VPS13B: variants seen among roughly 807,000 people sequenced by gnomAD.
VPS13B encodes the protein intermembrane lipid transfer protein VPS13B.
In VPS13B, 285 loss-of-function variants were observed where a neutral mutation model predicts 426.4. That is an observed-to-expected ratio of 0.67 (90% CI 0.61 to 0.74). The LOEUF (loss-of-function observed/expected upper bound fraction) is 0.74, where lower values mean the gene tolerates loss of function less well. Ranked by LOEUF, VPS13B falls within the 30% of genes least tolerant of loss-of-function variation. VPS13B has a pLI of 0.00. For missense variants in VPS13B, 4,537 were observed against 4,782.6 expected, an observed-to-expected ratio of 0.95 and a Z score of 1.51; for synonymous variants, 1,676 against 1,676.4, an observed-to-expected ratio of 1.00 and a Z score of 0.01.
intron 59 of VPS13B, among the ~76,000 whole-genome samples, chr8:99,870,171 T>G (rs1817321678): frequency 6.6e-6 from 1 of 152,034 alleles, no homozygotes; most frequent in Non-Finnish European, 1.5e-5. Context: ...TAACTAACAA[T>G]CTAGACTTTT....
At chr8:99,511,034 T>C in intron 28 of VPS13B, 70 bp from the exon 29 acceptor site, 1 of 1,564,026 alleles carries the variant, frequency 6.4e-7, no homozygotes, top group Non-Finnish European at 8.7e-7. Context: ...GAGGTCATTT[T>C]CTTCTTTCCA....
intron 30 of VPS13B, among the ~76,000 whole-genome samples, chr8:99,549,592 A>G (rs967993538): frequency 3.3e-5 from 5 of 152,102 alleles, no homozygotes; most frequent in African/African-American, 7.2e-5. Flanking sequence ...AATTTATGCA[A>G]CCTATTTGGC....
intron 19 of VPS13B, among the ~76,000 whole-genome samples, chr8:99,305,340 T>C (rs1463782734): frequency 3.3e-5 from 5 of 152,252 alleles, no homozygotes; most frequent in South Asian, 2.1e-4. Context: ...ACCAATACAG[T>C]ATAATAACTG....
intron 21 of VPS13B, among the ~76,000 whole-genome samples, chr8:99,429,284 C>CAA (rs200181502): frequency 1.2e-4 from 13 of 109,370 alleles, no homozygotes; most frequent in South Asian, 3.0e-4. Context: ...GTATAATAAC[C>CAA]AAAAAAAAAA....
chr8:99,386,586 T>C (rs543434705), intron 20 of VPS13B, among the ~76,000 whole-genome samples: 8 of 152,296 alleles, frequency 5.3e-5, no homozygotes, highest in Non-Finnish European at 1.0e-4. Flanking sequence ...AATATGCCAT[T>C]ATAATCTTAT....
At position 99,727,160 on chromosome 8, in the gene VPS13B, T is replaced by A. The variant is rs535742190; in HGVS notation, c.7050+6113T>A. On this transcript the variant is annotated intron_variant, in intron 39 of 61. Transcript: ENST00000357162. ...TATAAGTGAGGGAGCCAAAATTTAA[T>A]CCCCAGTCTTTCTGACTATAAAACC... Among the ~76,000 whole-genome samples, 27 of 152,324 alleles carry A rather than the reference T, an allele frequency of 1.8e-4. 1 individual carries two copies. In the South Asian group the frequency reaches 5.4e-3, roughly 30 times the overall value.
intron 17 of VPS13B, among the ~76,000 whole-genome samples, chr8:99,204,390 TA>T (rs1814552964): frequency 6.6e-6 from 1 of 152,196 alleles, no homozygotes; most frequent in Non-Finnish European, 1.5e-5. Context: ...ATGTAAGACC[TA>T]AAACCACAAA....
chr8:99,353,068 G>A (rs769012346), intron 19 of VPS13B, among the ~76,000 whole-genome samples: 6 of 151,764 alleles, frequency 4.0e-5, no homozygotes, highest in Admixed American at 6.6e-5. Context: ...TGCAACCTCC[G>A]CCTCCTAGAT....
intron 19 of VPS13B, among the ~76,000 whole-genome samples, chr8:99,308,076 T>C (rs551824750): frequency 6.6e-6 from 1 of 152,118 alleles, no homozygotes; most frequent in South Asian, 2.1e-4. Flanking sequence ...GTTTCTGTTA[T>C]TGATTTCTAG....
chr8:99,707,551 C>A (rs1041767375), intron 36 of VPS13B, among the ~76,000 whole-genome samples: 18 of 152,176 alleles, frequency 1.2e-4, no homozygotes, highest in African/African-American at 3.6e-4. Flanking sequence ...AGGCACACTG[C>A]ATTTAGTATT....
At chr8:99,388,651 A>G (rs1814258703) in intron 20 of VPS13B, among the ~76,000 whole-genome samples, 1 of 152,230 alleles carries the variant, frequency 6.6e-6, no homozygotes, top group Non-Finnish European at 1.5e-5. Context: ...AGGTAGCCAT[A>G]TTTCTAGAAT....
intron 3 of VPS13B, among the ~76,000 whole-genome samples, chr8:99,090,626 G>A (rs145569319): frequency 3.9e-5 from 6 of 152,052 alleles, no homozygotes; most frequent in African/African-American, 1.2e-4. Context: ...TGAGTAAATA[G>A]GTAAAATACT....
At chr8:99,027,344 TCTTC>T (rs1284815199) in intron 2 of VPS13B, among the ~76,000 whole-genome samples, 2 of 152,152 alleles carry the variant, frequency 1.3e-5, no homozygotes, top group South Asian at 2.1e-4. Flanking sequence ...ATATATCCAT[TCTTC>T]CTTCCTTACT....
At chr8:99,717,985 A>C (rs939658369) in intron 37 of VPS13B, among the ~76,000 whole-genome samples, 1 of 151,882 alleles carries the variant, frequency 6.6e-6, no homozygotes, top group Non-Finnish European at 1.5e-5. Flanking sequence ...TGCCATGACC[A>C]TTTGTGTACG....
At position 99,121,194 on chromosome 8, in the gene VPS13B, A is replaced by C; in HGVS notation, c.955A>C (p.Arg319=). ...GNITGSEDET[R]IDMQYPAQHK... ...ATTGATAGGTTCTGAAGATGAAACA[A>C]GAATAGATATGCAATATCCTGCTCA... Residue 319 remains arginine, a synonymous_variant, in exon 8 of 62, where the codon AGA becomes CGA. Coordinates refer to ENST00000357162, the MANE Select transcript of VPS13B (RefSeq NM_152564.5). The C allele has an allele frequency of 1.2e-6, 2 of 1,613,740 alleles. No individual in the cohort carries two copies. The highest frequency in any genetic ancestry group is 1.7e-6 in the Non-Finnish European group (2 of 1,179,834).
intron 23 of VPS13B, among the ~76,000 whole-genome samples, chr8:99,444,626 C>T (rs781589087): frequency 1.3e-4 from 19 of 151,948 alleles, no homozygotes; most frequent in East Asian, 1.9e-4. Flanking sequence ...AACTTATTTT[C>T]GTGCTGGTTG....
At chr8:99,544,874 T>G (rs1823879814) in intron 30 of VPS13B, among the ~76,000 whole-genome samples, 1 of 152,154 alleles carries the variant, frequency 6.6e-6, no homozygotes, top group South Asian at 2.1e-4. Context: ...TTTTATATAT[T>G]CCCTCCTTTA....
chr8:99,628,563 T>TAA (rs1248287613), intron 33 of VPS13B, among the ~76,000 whole-genome samples: 1 of 152,180 alleles, frequency 6.6e-6, no homozygotes, highest in Non-Finnish European at 1.5e-5. Context: ...TGGACAAGAC[T>TAA]AATTAGTCCC....
intron 33 of VPS13B, among the ~76,000 whole-genome samples, chr8:99,582,976 T>C (rs1177000239): frequency 6.6e-6 from 1 of 152,134 alleles, no homozygotes; most frequent in Admixed American, 6.5e-5. Flanking sequence ...CATTTTCTAT[T>C]TACTCAGTTT....
Sources: gnomAD v4.1 joint callset for allele counts (sites outside exome capture counted in the v4.1 genomes callset) on GRCh38, gnomAD v4.1.1 for gene constraint, MANE v1.5 for transcripts, NCBI Gene and HGNC (gene_info 2026-07-23, HGNC 2026-07-21) for gene names.